Variants in ARHGAP17 observed in about 807,000 individuals in gnomAD.
ARHGAP17 encodes rho GTPase-activating protein 17.
A neutral mutation model predicts 99.5 loss-of-function variants in ARHGAP17; 57 were observed. The observed-to-expected ratio is 0.57, with a 90% CI of 0.46 to 0.71. The LOEUF (loss-of-function observed/expected upper bound fraction) is 0.71, where lower values mean the gene tolerates loss of function less well. Among genes scored for constraint, ARHGAP17 ranks in the 30% least tolerant of loss-of-function variants. The pLI, the probability that ARHGAP17 is intolerant of heterozygous loss-of-function variation, is 0.00. For synonymous variants in ARHGAP17, 417 were observed against 429.6 expected, an observed-to-expected ratio of 0.97 and a Z score of 0.36; for missense variants, 1,000 against 1,122.4, an observed-to-expected ratio of 0.89 and a Z score of 1.56.
At chr16:25,011,992 T>C (rs1203199531) in intron 1 of ARHGAP17, among the ~76,000 whole-genome samples, 12 of 152,132 alleles carry the variant, frequency 7.9e-5, no homozygotes, top group Admixed American at 7.9e-4. Flanking sequence ...CTTAAGCACT[T>C]ATCTCATGTA....
At position 24,939,359 on chromosome 16, in the gene ARHGAP17, C is replaced by A. The variant is rs371724391; in HGVS notation, c.1724+5G>T. The A allele has an allele frequency of 1.6e-5, 25 of 1,595,340 alleles. No homozygotes were observed. Among genetic ancestry groups the A allele is most frequent in the Middle Eastern group, 2.3e-4 (1 of 4,424 alleles). ...TCCACTGCCAGCAGAAGTCAGCCTCCTTACCTGCCGTCGCCTGGGCTCGGC... is the reference window on the plus strand; with the variant it reads ...TCCACTGCCAGCAGAAGTCAGCCTCATTACCTGCCGTCGCCTGGGCTCGGC... On this transcript the variant is annotated splice_donor_5th_base_variant and intron_variant, in intron 17 of 19. Coordinates refer to ENST00000289968, the MANE Select transcript of ARHGAP17 (RefSeq NM_001006634.3).
chr16:24,987,018 A>G (rs1245842194), intron 1 of ARHGAP17, among the ~76,000 whole-genome samples: 1 of 152,212 alleles, frequency 6.6e-6, no homozygotes, highest in Admixed American at 6.5e-5. Context: ...AAGTATTTTA[A>G]TCACTGTTTG....
chr16:25,004,261 G>C (rs76069225), intron 1 of ARHGAP17, among the ~76,000 whole-genome samples: 4,879 of 152,206 alleles, frequency 0.032, 268 homozygotes, highest in African/African-American at 0.11. Context: ...CTGCCTCCAT[G>C]AAAAAATTTG....
chr16:24,935,578 G>C lies in ARHGAP17; in HGVS notation c.1786C>G (p.Gln596Glu). Residue 596 changes from glutamine to glutamate, a missense_variant, in exon 18 of 20, where the codon CAG becomes GAG. Gln to Glu is a conservative substitution (Grantham distance 29). Coordinates refer to ENST00000289968, the MANE Select transcript of ARHGAP17 (RefSeq NM_001006634.3). ...GGCTGATTTTGGCCAGATGCTATCTGACTGTTGTTTCTCCCTGGTGCTGGC... is the reference window on the plus strand; with the variant it reads ...GGCTGATTTTGGCCAGATGCTATCTCACTGTTGTTTCTCCCTGGTGCTGGC... The part of the protein sequence containing the change: ...AVPAPGRNNS[Q>E]IASGQNQPQA... The C allele has an allele frequency of 1.2e-6, 2 of 1,614,144 alleles. No homozygotes were observed. Among genetic ancestry groups the C allele is most frequent in the Non-Finnish European group, 8.5e-7 (1 of 1,180,040 alleles).
chr16:24,936,273 G>C (rs2051136306), intron 17 of ARHGAP17: 1 of 156,794 alleles, frequency 6.4e-6, no homozygotes, highest in African/African-American at 2.4e-5. Context: ...CAGCAGGATA[G>C]AGATCAGAAT....
chr16:24,956,487 A>G (rs2051812003), intron 9 of ARHGAP17: 1 of 152,266 alleles, frequency 6.6e-6, no homozygotes, highest in Admixed American at 6.5e-5. Flanking sequence ...TAAGACACAC[A>G]TGTAAACACA....
intron 1 of ARHGAP17, among the ~76,000 whole-genome samples, chr16:25,003,566 G>A (rs2053429629): frequency 6.6e-6 from 1 of 152,150 alleles, no homozygotes; most frequent in Non-Finnish European, 1.5e-5. Flanking sequence ...GCTCACACCT[G>A]TAATCCCAGC....
chr16:25,013,182 T>C (rs549880344), intron 1 of ARHGAP17, among the ~76,000 whole-genome samples: 98 of 152,274 alleles, frequency 6.4e-4, no homozygotes, highest in African/African-American at 2.2e-3. Context: ...CAGAGGGACC[T>C]TTCCCAGAAG....
intron 2 of ARHGAP17, among the ~76,000 whole-genome samples, chr16:24,978,708 G>A (rs1413189866): frequency 6.6e-6 from 1 of 152,134 alleles, no homozygotes; most frequent in Non-Finnish European, 1.5e-5. Context: ...GAGGCGCAGG[G>A]AAGTTCAGTA....
intron 4 of ARHGAP17, 51 bp from the exon 5 acceptor site, chr16:24,968,823 C>G (rs991193199): frequency 6.4e-7 from 1 of 1,574,156 alleles, no homozygotes. Flanking sequence ...AAATCAGGCA[C>G]TGGATTATCG....
Position 24,955,051 on chromosome 16 carries a change from T to C in ARHGAP17, c.725-321A>G, listed in dbSNP as rs1480641218. On this transcript the variant is annotated intron_variant, in intron 9 of 19. Coordinates refer to ENST00000289968, the MANE Select transcript of ARHGAP17 (RefSeq NM_001006634.3). This position sits in a 1 kb window ranked among gnomAD's most constrained non-coding sequence, Gnocchi z 4.0. ...CGCCAGCGGGTTTAGTGGGCTGCCT[T>C]GAACCAAAAGGAAGATTTGCCAGAG... 1 of 248,300 alleles carries C rather than the reference T, an allele frequency of 4.0e-6. No homozygotes were observed. The highest frequency in any genetic ancestry group is 7.6e-6 in the Non-Finnish European group (1 of 130,892). 15.4% of individuals were successfully genotyped at this position (248,300 alleles called of 1,614,324 possible). A position where few individuals can be genotyped will look rare whatever the true frequency, so the allele number is the denominator to read the frequency against.
intron 15 of ARHGAP17, among the ~76,000 whole-genome samples, chr16:24,943,129 A>T (rs116135968): frequency 0.016 from 2,483 of 152,338 alleles, 65 homozygotes; most frequent in African/African-American, 0.056. Context: ...AAAGGGGGCC[A>T]TGGGAACCTC....
At chr16:24,966,769 G>T (rs1470504406) in intron 6 of ARHGAP17, among the ~76,000 whole-genome samples, 4 of 152,140 alleles carry the variant, frequency 2.6e-5, no homozygotes, top group African/African-American at 9.7e-5. Context: ...AGGTGACAGG[G>T]AACATCACAT....
In ARHGAP17 at chr16:24,977,214, C is replaced by T; in HGVS notation, c.198+1G>A. ...GGGTCTGAGTCACATCTGATACTCA[C>T]GTGTCTCCTCTCGGCATCGGTGCCA... is the stretch of plus-strand genomic sequence containing the variant. On this transcript the variant is annotated splice_donor_variant, in intron 3 of 19. Transcript: ENST00000289968. LOFTEE classifies it high-confidence loss of function. 1 of 1,576,484 alleles carries T rather than the reference C, an allele frequency of 6.3e-7. No individual in the cohort carries two copies. The highest frequency in any genetic ancestry group is 8.7e-7 in the Non-Finnish European group (1 of 1,153,872).
rs1188021103 is a variant in ARHGAP17, at chr16:24,931,133, G to A, written c.2166C>T (p.Ala722=). The A allele has an allele frequency of 3.1e-6, 5 of 1,606,226 alleles. No individual in the cohort carries two copies. Among genetic ancestry groups the A allele is most frequent in the Non-Finnish European group, 4.2e-6 (5 of 1,176,534 alleles). ...TGGGTTTGGTGTGCATCAGTGGCGT[G>A]GCCTGCGTAGGGGGCTGCGGCGGTG... ...NHPPPQPPTQ[A]TPLMHTKPNS... The change falls in exon 19 of 20, where the codon GCC becomes GCT. Residue 722 remains alanine (A), a synonymous_variant. Coordinates refer to ENST00000289968, the MANE Select transcript of ARHGAP17 (RefSeq NM_001006634.3).
chr16:24,992,153 G>A (rs1309773723), intron 1 of ARHGAP17, among the ~76,000 whole-genome samples: 3 of 152,088 alleles, frequency 2.0e-5, no homozygotes, highest in Non-Finnish European at 2.9e-5. Context: ...GGGCAACAGG[G>A]AGCCACTGAT....
chr16:24,952,959 C>T lies in ARHGAP17; in HGVS notation c.936G>A (p.Glu312=). ...CTACAGCATGGGGGTCTGAATAGAA[C>T]TCATCCAGGTGAGAAGTAGAACAGT... The part of the protein sequence containing the change: ...ALDCSTSHLD[E]FYSDPHAVAG... Residue 312 remains glutamate, a synonymous_variant, in exon 11 of 20, where the codon GAG becomes GAA. Coordinates refer to ENST00000289968, the MANE Select transcript of ARHGAP17 (RefSeq NM_001006634.3). 1.2e-6 allele frequency: 2 copies of T among 1,614,202 alleles called. No individual in the cohort carries two copies. The highest frequency in any genetic ancestry group is 1.7e-6 in the Non-Finnish European group (2 of 1,180,016).
intron 1 of ARHGAP17, among the ~76,000 whole-genome samples, chr16:25,001,956 C>T (rs996538898): frequency 6.6e-6 from 1 of 151,962 alleles, no homozygotes; most frequent in Non-Finnish European, 1.5e-5. Flanking sequence ...TGGTGGGCAC[C>T]TATAATCCCA....
chr16:24,960,058 C>T, intron 7 of ARHGAP17, 79 bp from the exon 8 acceptor site: 1 of 1,358,688 alleles, frequency 7.4e-7, no homozygotes, highest in Admixed American at 1.8e-5. Context: ...TCTCTGTGAG[C>T]TCTTAGATGA....
Sources: gnomAD v4.1 joint callset for allele counts (sites outside exome capture counted in the v4.1 genomes callset) on GRCh38, gnomAD v4.1.1 for gene constraint, Gnocchi (gnomAD v3.1) non-coding constraint, MANE v1.5 for transcripts, NCBI Gene and HGNC (gene_info 2026-07-23, HGNC 2026-07-21) for gene names.